Variants in TTN observed in about 807,000 individuals in gnomAD.
TTN encodes titin.
Under a neutral mutation model 3,223.0 loss-of-function variants are expected in TTN, and 1,525 were observed. The observed-to-expected ratio is 0.47, with a 90% CI of 0.45 to 0.49. The LOEUF is 0.49. Among genes scored for constraint, TTN ranks in the 20% least tolerant of loss-of-function variants. The pLI is 0.00. For missense variants in TTN, 40,786 were observed against 43,424.0 expected (o/e 0.94, Z 5.40); for synonymous variants, 14,094 against 15,161.0 (o/e 0.93, Z 5.17).
chr2:178,736,121 A>G (rs776013874), intron 49 of TTN, 47 bp from the exon 50 acceptor site: 1 of 1,478,392 alleles, frequency 6.8e-7, no homozygotes, highest in Non-Finnish European at 9.1e-7. Flanking sequence ...CCACCAAAGC[A>G]CTTGCTGTAA....
In TTN at chr2:178,594,509, C is replaced by G. The variant is rs975610705; in HGVS notation, c.57985G>C (p.Glu19329Gln). The G allele has an allele frequency of 1.2e-6, 2 of 1,613,284 alleles. No individual in the cohort carries two copies. The highest frequency in any genetic ancestry group is 2.7e-5 in the African/African-American group (2 of 74,900). ...YVLESRLIGTEKFHKVTNDNL... is the reference protein window; with the variant it reads ...YVLESRLIGTQKFHKVTNDNL... ...TCATTTGTAACTTTGTGGAACTTCT[C>G]AGTCCCAATGAGCCGACTTTCTAGG... Residue 19329 changes from glutamate (E) to glutamine (Q), a missense_variant, in exon 296 of 363, where the codon GAG becomes CAG. Glu to Gln is a conservative substitution (Grantham distance 29, BLOSUM62 2). Coordinates refer to ENST00000589042, the MANE Select transcript of TTN (RefSeq NM_001267550.2).
intron 233 of TTN, 54 bp downstream of exon 233, chr2:178,633,133 A>G (rs1350411187): frequency 6.3e-7 from 1 of 1,596,288 alleles, no homozygotes; most frequent in Non-Finnish European, 8.5e-7. Flanking sequence ...GCCTTTTTTC[A>G]CCCTACACAA....
At position 178,578,807 on chromosome 2, in the gene TTN, A is replaced by G; in HGVS notation, c.68223T>C (p.Phe22741=). 6.2e-7 allele frequency: 1 copy of G among 1,610,054 alleles called. No individual in the cohort carries two copies. Among genetic ancestry groups the G allele is most frequent in the Non-Finnish European group, 8.5e-7 (1 of 1,177,706 alleles). ...GTCTTCTGAATTTAAGACACTTACC[A>G]AATGGATGTCTCGCAACAATTGGCT... The part of the protein sequence containing the change: ...KSEPIVARHP[F]DVPDAPPPPN... Residue 22741 remains phenylalanine (F), a splice_region_variant and synonymous_variant, in exon 320 of 363, where the codon TTT becomes TTC. Transcript: ENST00000589042.
chr2:178,774,227 G>C lies in TTN; in HGVS notation c.7037C>G (p.Thr2346Ser), dbSNP rs1204644512. 3 of 1,613,912 alleles carry C rather than the reference G, an allele frequency of 1.9e-6. No individual in the cohort carries two copies. Among genetic ancestry groups the C allele is most frequent in the African/African-American group, 2.7e-5 (2 of 74,896 alleles). Residue 2346 changes from threonine to serine, a missense_variant, in exon 30 of 363, where the codon ACC becomes AGC. Coordinates refer to ENST00000589042, the MANE Select transcript of TTN (RefSeq NM_001267550.2). ...YSFVIDGKKT[T>S]CKLKMKPRPI... ...CTTACGTTTCATCTTTAATTTACAGGTTGTCTTTTTCCCGTCGATGACAAA... is the reference window on the plus strand; with the variant it reads ...CTTACGTTTCATCTTTAATTTACAGCTTGTCTTTTTCCCGTCGATGACAAA...
In TTN at chr2:178,672,076, G is replaced by GT. The variant is rs757479332; in HGVS notation, c.35121dup (p.His11708ThrfsTer2). On this transcript the variant is annotated frameshift_variant, in exon 155 of 363. Transcript: ENST00000589042. LOFTEE classifies it high-confidence loss of function. Reference sequence around the variant, plus strand: ...ACTCTGTGTTCTTCTTCAACTCTATGTTGTTCTAATTTGATGAATTCTTCT... The same window carrying GT: ...ACTCTGTGTTCTTCTTCAACTCTATGTTTGTTCTAATTTGATGAATTCTTCT... The GT allele has an allele frequency of 6.2e-7, 1 of 1,611,968 alleles. No individual in the cohort carries two copies. The highest frequency in any genetic ancestry group is 8.5e-7 in the Non-Finnish European group (1 of 1,179,036).
intron 250 of TTN, chr2:178,619,322 A>C (rs2057903773): frequency 2.2e-6 from 1 of 460,582 alleles, no homozygotes; most frequent in South Asian, 2.6e-5. Flanking sequence ...AGGAGAGTAT[A>C]AGACCGTCTT....
chr2:178,799,222 C>G (rs1215207425), intron 6 of TTN: 1 of 467,646 alleles, frequency 2.1e-6, no homozygotes, highest in African/African-American at 2.0e-5. Context: ...CAAGATCACC[C>G]TGACCTGCCA....
intron 40 of TTN, among the ~76,000 whole-genome samples, chr2:178,767,278 C>T (rs1189611942): frequency 6.6e-6 from 1 of 152,186 alleles, no homozygotes; most frequent in Non-Finnish European, 1.5e-5. Context: ...AGCAAGAGTG[C>T]CCAGCATCCT....
intron 162 of TTN, among the ~76,000 whole-genome samples, 157 bp downstream of exon 162, chr2:178,667,079 C>T (rs1199389149): frequency 6.6e-6 from 1 of 151,948 alleles, no homozygotes; most frequent in Non-Finnish European, 1.5e-5. Flanking sequence ...TTCTTGGGGG[C>T]AAGTCATAGG....
At chr2:178,686,444 G>A (rs542042978) in intron 127 of TTN, among the ~76,000 whole-genome samples, 3 of 150,874 alleles carry the variant, frequency 2.0e-5, no homozygotes, top group African/African-American at 7.3e-5. Flanking sequence ...TTAAGACAAT[G>A]TCTTGCTTTG....
chr2:178,569,319 G>C lies in TTN; in HGVS notation c.76813C>G (p.Pro25605Ala), dbSNP rs1471696934. The change falls in exon 326 of 363, where the codon CCT becomes GCT. Residue 25605 changes from proline to alanine, a missense_variant. Pro to Ala is a conservative substitution (Grantham distance 27). Coordinates refer to ENST00000589042, the MANE Select transcript of TTN (RefSeq NM_001267550.2). ...ATTTCTGTGACTTTCAGGTTAACAG[G>C]TGGACTTGGCGTGTCCAGAACTCTC... Reference protein sequence around the residue: ...TVRVLDTPSPPVNLKVTEITK... With the variant: ...TVRVLDTPSPAVNLKVTEITK... 1 of 1,612,888 alleles carries C rather than the reference G, an allele frequency of 6.2e-7. No homozygotes were observed. Among genetic ancestry groups the C allele is most frequent in the East Asian group, 2.2e-5 (1 of 44,838 alleles).
chr2:178,683,818 T>A (rs973154387), intron 133 of TTN, among the ~76,000 whole-genome samples, 181 bp downstream of exon 133: 5 of 151,972 alleles, frequency 3.3e-5, no homozygotes, highest in African/African-American at 7.2e-5. Flanking sequence ...CACTTTTTTT[T>A]AAGAAAAAAG....
Position 178,548,770 on chromosome 2 carries a change from T to C in TTN, c.92856A>G (p.Arg30952=). The C allele has an allele frequency of 6.2e-7, 1 of 1,613,388 alleles. No individual in the cohort carries two copies. Among genetic ancestry groups the C allele is most frequent in the Non-Finnish European group, 8.5e-7 (1 of 1,179,790 alleles). ...SIRLFIAYQG[R]PTPTAVWSKP... Reference sequence around the variant, plus strand: ...TGCTCCACACAGCTGTAGGAGTAGGTCTACCTTGGTAGGCAATGAAGAGGC... The same window carrying C: ...TGCTCCACACAGCTGTAGGAGTAGGCCTACCTTGGTAGGCAATGAAGAGGC... Residue 30952 remains arginine, a synonymous_variant, in exon 339 of 363, where the codon AGA becomes AGG. Coordinates refer to ENST00000589042, the MANE Select transcript of TTN (RefSeq NM_001267550.2). The surrounding 1 kb of genome is among the most constrained non-coding windows in gnomAD (Gnocchi z 4.3).
intron 98 of TTN, 29 bp from the exon 99 acceptor site, chr2:178,709,885 T>C (rs2076407006): frequency 5.3e-6 from 8 of 1,513,372 alleles, no homozygotes; most frequent in African/African-American, 1.4e-5. Context: ...ATATATGAAG[T>C]AGAAGCTAGA....
At chr2:178,595,869 A>C in intron 294 of TTN, 60 bp from the exon 295 acceptor site, 1 of 1,480,700 alleles carries the variant, frequency 6.8e-7, no homozygotes, top group Non-Finnish European at 9.1e-7. Flanking sequence ...AATGCTCAAC[A>C]CTTGTTTTTT....
chr2:178,528,846 A>C lies in TTN; in HGVS notation c.106905T>G (p.Asp35635Glu), dbSNP rs1255745337. Residue 35635 changes from aspartate (D) to glutamate (E), a missense_variant, in exon 360 of 363, where the codon GAT becomes GAG. Physicochemically the swap from Asp to Glu is conservative, Grantham distance 45. Transcript: ENST00000589042. The part of the protein sequence containing the change: ...VLKANIAGAT[D>E]VKWVLNGVEL... ...CTACGCCATTCAGTACCCATTTCAC[A>C]TCAGTGGCACCAGCAATGTTGGCTT... 1.2e-6 allele frequency: 2 copies of C among 1,613,992 alleles called. No homozygotes were observed. Among genetic ancestry groups the C allele is most frequent in the Admixed American group, 1.7e-5 (1 of 60,012 alleles).
intron 259 of TTN, 118 bp downstream of exon 259, chr2:178,615,189 A>C (rs2057101920): frequency 2.4e-6 from 3 of 1,271,308 alleles, no homozygotes; most frequent in Non-Finnish European, 3.3e-6. Context: ...AATCAGACAG[A>C]TACACCGGCA....
chr2:178,726,572 CA>C (rs1416510482), intron 69 of TTN: 3 of 150,356 alleles, frequency 2.0e-5, no homozygotes, highest in African/African-American at 4.9e-5. Flanking sequence ...CAAAAAAACA[CA>C]GATACTATTT....
chr2:178,549,908 T>G (rs759415256), intron 337 of TTN, 39 bp from the exon 338 acceptor site: 4 of 1,538,394 alleles, frequency 2.6e-6, no homozygotes, highest in Non-Finnish European at 3.5e-6. Flanking sequence ...TCTTTTTCCT[T>G]GTCCATTAAA....
Sources: allele counts gnomAD v4.1 joint callset (sites outside exome capture counted in the v4.1 genomes callset), GRCh38; gene constraint gnomAD v4.1.1; non-coding constraint Gnocchi (gnomAD v3.1); transcripts MANE v1.5; gene names NCBI Gene and HGNC (gene_info 2026-07-23, HGNC 2026-07-21).